FOXP1: variants seen among roughly 807,000 people sequenced by gnomAD.
The protein encoded by FOXP1 is forkhead box protein P1.
FOXP1 carries 15 observed loss-of-function variants against 98.2 expected under a neutral mutation model. The ratio of observed to expected loss-of-function variants is 0.15; its 90% confidence interval spans 0.10 to 0.24. The LOEUF is 0.24. FOXP1 is among the 10% of genes least tolerant of loss of function. The probability of loss-of-function intolerance (pLI) is 1.00; values close to 1 mark genes in which losing one functional copy is unlikely to be tolerated. For synonymous variants in FOXP1, 371 were observed against 314.5 expected, an observed-to-expected ratio of 1.18 and a Z score of -1.90; for missense variants, 633 against 848.5, an observed-to-expected ratio of 0.75 and a Z score of 3.15.
rs55734969 is a variant in FOXP1 at position 71,169,130 on chromosome 3, G to A, written c.180+29072C>T. Among the ~76,000 whole-genome samples the A allele has an allele frequency of 9.6e-3, 1,456 of 152,274 alleles. 27 individuals are homozygous for A. Among genetic ancestry groups the A allele is most frequent in the African/African-American group, 0.033 (1,383 of 41,538 alleles). On this transcript the variant is annotated intron_variant, in intron 6 of 20. Transcript: ENST00000649528. ...AGATACCTGCTCATAAACTGAGGTG[G>A]TGCCGTGACTATCAACAGCTGTATT...
chr3:71,080,080 A>G (rs2054248861), intron 7 of FOXP1, among the ~76,000 whole-genome samples: 2 of 152,238 alleles, frequency 1.3e-5, no homozygotes. Context: ...AGTATGGACC[A>G]TACCTCTCCA....
intron 20 of FOXP1, among the ~76,000 whole-genome samples, chr3:70,960,580 C>T (rs1298385519): frequency 6.6e-6 from 1 of 152,214 alleles, no homozygotes; most frequent in Non-Finnish European, 1.5e-5. Flanking sequence ...ATGGTCCCAT[C>T]TCTGGGACAG....
At chr3:71,524,170 G>T (rs1303186127) in intron 2 of FOXP1, among the ~76,000 whole-genome samples, 2 of 152,032 alleles carry the variant, frequency 1.3e-5, no homozygotes, top group Non-Finnish European at 2.9e-5. Context: ...GAATGAATGA[G>T]CCTGGCCAAC....
intron 6 of FOXP1, among the ~76,000 whole-genome samples, chr3:71,161,470 A>T (rs2061132834): frequency 6.6e-6 from 1 of 152,202 alleles, no homozygotes; most frequent in Non-Finnish European, 1.5e-5. Flanking sequence ...GTTCCTACAG[A>T]ACAAAGAGAA....
chr3:71,170,198 C>T (rs1047713327), intron 6 of FOXP1, among the ~76,000 whole-genome samples: 1 of 152,174 alleles, frequency 6.6e-6, no homozygotes, highest in African/African-American at 2.4e-5. Flanking sequence ...TTTCTCTTTC[C>T]TATCCCTTTT....
chr3:71,565,661 G>C (rs1481955147), intron 2 of FOXP1, among the ~76,000 whole-genome samples: 2 of 152,186 alleles, frequency 1.3e-5, no homozygotes, highest in Non-Finnish European at 2.9e-5. Flanking sequence ...TGCAGAAATG[G>C]TAACTATGCA....
At chr3:71,049,060 A>C (rs1274779982) in intron 9 of FOXP1, among the ~76,000 whole-genome samples, 1 of 152,186 alleles carries the variant, frequency 6.6e-6, no homozygotes, top group East Asian at 1.9e-4. Flanking sequence ...TACCAAACAC[A>C]GGATACGGGT....
intron 3 of FOXP1, among the ~76,000 whole-genome samples, chr3:71,467,581 G>C (rs137968764): frequency 6.6e-6 from 1 of 152,144 alleles, no homozygotes; most frequent in African/African-American, 2.4e-5. Context: ...GGAAGAAAAC[G>C]TCTTTATAAG....
chr3:71,580,293 T>C (rs2048062813), intron 2 of FOXP1, among the ~76,000 whole-genome samples: 1 of 151,644 alleles, frequency 6.6e-6, no homozygotes, highest in African/African-American at 2.4e-5. Flanking sequence ...TTTTTCCCTT[T>C]GCAGTGAGAT....
chr3:71,009,049 T>C (rs1202333103), intron 12 of FOXP1, among the ~76,000 whole-genome samples: 1 of 149,314 alleles, frequency 6.7e-6, no homozygotes, highest in Non-Finnish European at 1.5e-5. Context: ...AGCTGTTACC[T>C]GGCAAAGTCA....
chr3:71,102,153 A>G (rs1227839205), intron 7 of FOXP1, among the ~76,000 whole-genome samples: 1 of 152,146 alleles, frequency 6.6e-6, no homozygotes, highest in African/African-American at 2.4e-5. Context: ...GTTCTCTTTA[A>G]AATTTTGAGA....
chr3:70,978,523 T>C (rs2038090167), intron 14 of FOXP1, among the ~76,000 whole-genome samples: 1 of 152,174 alleles, frequency 6.6e-6, no homozygotes, highest in Non-Finnish European at 1.5e-5. Flanking sequence ...CTGTTTTTAC[T>C]TGATTTTTAT....
At chr3:71,315,597 G>A (rs1328634150) in intron 4 of FOXP1, among the ~76,000 whole-genome samples, 1 of 152,160 alleles carries the variant, frequency 6.6e-6, no homozygotes, top group Non-Finnish European at 1.5e-5. Context: ...GCCTCTGAGA[G>A]GTCCAGGCAA....
At chr3:71,530,454 A>T (rs889592992) in intron 2 of FOXP1, among the ~76,000 whole-genome samples, 2 of 152,196 alleles carry the variant, frequency 1.3e-5, no homozygotes, top group African/African-American at 4.8e-5. Flanking sequence ...TTAATGATCC[A>T]GTCTGTGGAT....
chr3:71,461,792 T>G (rs1206154038), intron 3 of FOXP1, among the ~76,000 whole-genome samples: 1 of 150,126 alleles, frequency 6.7e-6, no homozygotes, highest in Non-Finnish European at 1.5e-5. Context: ...AGAGCGAGAC[T>G]CTGTATCGAA....
At chr3:71,486,830 G>T (rs2090688614) in intron 3 of FOXP1, among the ~76,000 whole-genome samples, 1 of 152,154 alleles carries the variant, frequency 6.6e-6, no homozygotes, top group Non-Finnish European at 1.5e-5. Flanking sequence ...ATGCAATGGA[G>T]TTTAAGTTCC....
intron 6 of FOXP1, among the ~76,000 whole-genome samples, chr3:71,141,748 A>G (rs1337312754): frequency 6.6e-6 from 1 of 152,150 alleles, no homozygotes; most frequent in African/African-American, 2.4e-5. Context: ...ATCCAGAAAT[A>G]ATTAGAGCCA....
intron 3 of FOXP1, among the ~76,000 whole-genome samples, chr3:71,415,051 T>C (rs528973706): frequency 6.6e-6 from 1 of 152,316 alleles, no homozygotes; most frequent in Non-Finnish European, 1.5e-5. Context: ...CTTGAAAACA[T>C]TAAGCTGTCA....
intron 2 of FOXP1, among the ~76,000 whole-genome samples, chr3:71,508,316 TG>T (rs1448159355): frequency 6.6e-6 from 1 of 152,208 alleles, no homozygotes; most frequent in Non-Finnish European, 1.5e-5. Context: ...GGAGGAAATT[TG>T]GGGGACAAAG....
Sources: gnomAD v4.1 joint callset for allele counts (sites outside exome capture counted in the v4.1 genomes callset) on GRCh38, gnomAD v4.1.1 for gene constraint, MANE v1.5 for transcripts, NCBI Gene and HGNC (gene_info 2026-07-23, HGNC 2026-07-21) for gene names.